Variants in ZNF274 observed in about 807,000 individuals in gnomAD.
ZNF274 encodes zinc finger protein 274.
In ZNF274, 23 loss-of-function variants were observed where a neutral mutation model predicts 42.5. That is an observed-to-expected ratio of 0.54 (90% CI 0.39 to 0.77). The LOEUF is 0.77. Ranked by LOEUF, ZNF274 falls within the 30% of genes least tolerant of loss-of-function variation. The pLI, the probability that ZNF274 is intolerant of heterozygous loss-of-function variation, is 0.00. For missense variants in ZNF274, 679 were observed against 806.5 expected (o/e 0.84, Z 1.91); for synonymous variants, 292 against 305.4 (o/e 0.96, Z 0.46).
At chr19:58,200,683 G>A (rs965962419) in intron 4 of ZNF274, among the ~76,000 whole-genome samples, 2 of 152,164 alleles carry the variant, frequency 1.3e-5, no homozygotes, top group African/African-American at 2.4e-5. Context: ...CATATTCTAG[G>A]AAAACTAAGA....
At chr19:58,196,741 T>A (rs982074567) in intron 4 of ZNF274, among the ~76,000 whole-genome samples, 7 of 152,202 alleles carry the variant, frequency 4.6e-5, no homozygotes, top group Non-Finnish European at 1.0e-4. Flanking sequence ...ATACCATTCT[T>A]TTATCCAAGA....
intron 4 of ZNF274, among the ~76,000 whole-genome samples, chr19:58,202,736 T>C (rs896919011): frequency 1.3e-5 from 2 of 152,190 alleles, no homozygotes; most frequent in Non-Finnish European, 2.9e-5. Flanking sequence ...TTTCCTGCAA[T>C]AGACAGTGGT....
intron 4 of ZNF274, among the ~76,000 whole-genome samples, chr19:58,205,027 G>A (rs2146237863): frequency 6.6e-6 from 1 of 152,316 alleles, no homozygotes; most frequent in East Asian, 1.9e-4. Context: ...AGCTGTGCTT[G>A]TTGCCAGAGG....
intron 4 of ZNF274, among the ~76,000 whole-genome samples, chr19:58,201,511 TTTC>T (rs2075910851): frequency 8.4e-6 from 1 of 118,722 alleles, no homozygotes. Context: ...CCAGCATGAA[TTTC>T]TTTTTTTTTT....
chr19:58,183,901 C>G lies in ZNF274; in HGVS notation c.-45-20C>G. 1 of 1,540,238 alleles carries G rather than the reference C, an allele frequency of 6.5e-7. No homozygotes were observed. The highest frequency in any genetic ancestry group is 1.2e-5 in the South Asian group (1 of 84,050). On this transcript the variant is annotated intron_variant, in intron 1 of 7. Transcript: ENST00000617501. ...GACACCTTAAGCCTCTCCCTCCCCT[C>G]CCAACTTCGGTTTCCTCAGGACTCT...
chr19:58,198,024 AAAAC>A (rs1186638855), intron 4 of ZNF274, among the ~76,000 whole-genome samples: 4 of 152,232 alleles, frequency 2.6e-5, no homozygotes, highest in South Asian at 2.1e-4. Flanking sequence ...ATTAAGAAGG[AAAAC>A]AAACGAACTA....
chr19:58,205,888 C>A (rs113763532), intron 4 of ZNF274, among the ~76,000 whole-genome samples: 2,811 of 152,218 alleles, frequency 0.018, 86 homozygotes, highest in Admixed American at 0.068. Context: ...CCCTTCTCAA[C>A]CCTCATTGCC....
At chr19:58,210,130 C>T (rs980977889) in intron 6 of ZNF274, 57 bp downstream of exon 6, 20 of 1,418,826 alleles carry the variant, frequency 1.4e-5, no homozygotes, top group Non-Finnish European at 2.0e-5. Context: ...GGCAGGCCCA[C>T]CCCTGAGGCA....
intron 4 of ZNF274, among the ~76,000 whole-genome samples, chr19:58,193,562 C>T (rs146803554): frequency 3.4e-3 from 497 of 144,904 alleles, no homozygotes; most frequent in African/African-American, 0.012. Flanking sequence ...AAGTGATTCT[C>T]CTACCTCAGC....
At chr19:58,198,215 A>G (rs1452699702) in intron 4 of ZNF274, among the ~76,000 whole-genome samples, 2 of 152,244 alleles carry the variant, frequency 1.3e-5, no homozygotes, top group African/African-American at 2.4e-5. Context: ...GACTTTGAGT[A>G]AGTAAAGAAT....
intron 4 of ZNF274, among the ~76,000 whole-genome samples, chr19:58,195,004 A>T (rs1022822900): frequency 7.3e-5 from 11 of 149,826 alleles, no homozygotes; most frequent in Admixed American, 4.0e-4. Flanking sequence ...CCATGTCAAA[A>T]AATAATAATA....
intron 4 of ZNF274, among the ~76,000 whole-genome samples, chr19:58,194,371 C>CTTTTTTTTTTTTTTTTTT (rs766266627): frequency 1.6e-5 from 1 of 64,176 alleles, no homozygotes; most frequent in Non-Finnish European, 2.7e-5. Flanking sequence ...TGTTTTTTAC[C>CTTTTTTTTTTTTTTTTTT]TTTTTTTTTT....
chr19:58,211,412 T>C lies in ZNF274; in HGVS notation c.853-148T>C. On this transcript the variant is annotated intron_variant, in intron 6 of 7. Transcript: ENST00000617501. The surrounding 1 kb of genome is among the most constrained non-coding windows in gnomAD (Gnocchi z 4.8). ...GACCCAGTAGAACTCTTGTGGGCCC[T>C]GGGTTGGTGTCTCTGAGCAAATCCC... 1.9e-6 allele frequency: 2 copies of C among 1,027,708 alleles called. No homozygotes were observed. Among genetic ancestry groups the C allele is most frequent in the South Asian group, 4.0e-5 (2 of 50,012 alleles). 63.7% of individuals were successfully genotyped at this position (1,027,708 alleles called of 1,614,324 possible). A position where few individuals can be genotyped will look rare whatever the true frequency, so the allele number is the denominator to read the frequency against.
chr19:58,199,349 G>C (rs2075882308), intron 4 of ZNF274, among the ~76,000 whole-genome samples: 1 of 151,674 alleles, frequency 6.6e-6, no homozygotes. Flanking sequence ...CTGGGCGACA[G>C]AGCAAGACTC....
At chr19:58,190,919 A>G (rs1378824244) in intron 4 of ZNF274, among the ~76,000 whole-genome samples, 1 of 151,332 alleles carries the variant, frequency 6.6e-6, no homozygotes, top group Admixed American at 6.6e-5. Flanking sequence ...TTTCTCTGTG[A>G]CTCTCCCCAA....
chr19:58,204,669 A>G (rs150097631), intron 4 of ZNF274, among the ~76,000 whole-genome samples: 11 of 152,260 alleles, frequency 7.2e-5, no homozygotes, highest in Non-Finnish European at 1.3e-4. Flanking sequence ...TAATCACGCT[A>G]AAAGTAGTGC....
At chr19:58,192,857 G>A (rs1190546644) in intron 4 of ZNF274, among the ~76,000 whole-genome samples, 1 of 152,130 alleles carries the variant, frequency 6.6e-6, no homozygotes, top group African/African-American at 2.4e-5. Flanking sequence ...TGATCCTCCT[G>A]CCTCAGCTTC....
In ZNF274 at chr19:58,207,243, G is replaced by A. The variant is rs761639033; in HGVS notation, c.739+41G>A. The A allele has an allele frequency of 6.4e-7, 1 of 1,565,058 alleles. No individual in the cohort carries two copies. Among genetic ancestry groups the A allele is most frequent in the Non-Finnish European group, 8.7e-7 (1 of 1,155,414 alleles). On this transcript the variant is annotated intron_variant, in intron 5 of 7. Coordinates refer to ENST00000617501, the MANE Select transcript of ZNF274 (RefSeq NM_133502.3). This position sits in a 1 kb window ranked among gnomAD's most constrained non-coding sequence, Gnocchi z 5.6. ...GGTAGAGGGACAGCTTAATGAGGGT[G>A]TCTTGGAGTACCCTGTGGGGGAGAT... is the stretch of plus-strand genomic sequence containing the variant.
intron 4 of ZNF274, among the ~76,000 whole-genome samples, chr19:58,194,354 T>G (rs955357984): frequency 6.6e-6 from 1 of 151,000 alleles, no homozygotes. Flanking sequence ...CTGTGTTTTT[T>G]GTGTTTTGTT....
Sources: allele counts gnomAD v4.1 joint callset (sites outside exome capture counted in the v4.1 genomes callset), GRCh38; gene constraint gnomAD v4.1.1; non-coding constraint Gnocchi (gnomAD v3.1); transcripts MANE v1.5; gene names NCBI Gene and HGNC (gene_info 2026-07-23, HGNC 2026-07-21).